The following THSD4 variants were observed in gnomAD, a reference collection of about 807,000 sequenced individuals.
THSD4 encodes thrombospondin type 1 domain containing 4, also known as thrombospondin type-1 domain-containing protein 4.
A neutral mutation model predicts 119.0 loss-of-function variants in THSD4; 69 were observed. The observed-to-expected ratio is 0.58, with a 90% CI of 0.48 to 0.71. The LOEUF is 0.71. THSD4 is among the 30% of genes least tolerant of loss of function. The probability of loss-of-function intolerance (pLI) is 0.00; values close to 1 mark genes in which losing one functional copy is unlikely to be tolerated. For missense variants in THSD4, 1,393 were observed against 1,391.1 expected (o/e 1.00, Z -0.02); for synonymous variants, 524 against 540.4 (o/e 0.97, Z 0.42).
In THSD4 at chr15:71,283,097, G is replaced by A. The variant is rs2044675159; in HGVS notation, c.1015+26382G>A. Among the ~76,000 whole-genome samples the A allele has an allele frequency of 2.0e-5, 3 of 151,732 alleles. No individual in the cohort carries two copies. In the South Asian group the frequency reaches 6.2e-4, roughly 32 times the overall value. ...CGATTCTTCTGCCTCAGCCTCCCGA[G>A]TAGCTGGGACTACAGGCGCGTGCCA... On this transcript the variant is annotated intron_variant, in intron 6 of 17. Transcript: ENST00000261862.
At chr15:71,394,750 G>A (rs1177936483) in intron 6 of THSD4, among the ~76,000 whole-genome samples, 1 of 152,172 alleles carries the variant, frequency 6.6e-6, no homozygotes, top group African/African-American at 2.4e-5. Flanking sequence ...GGACTAAGTC[G>A]TTTCTCTATT....
At chr15:71,626,918 T>A (rs1392552906) in intron 7 of THSD4, among the ~76,000 whole-genome samples, 2 of 152,232 alleles carry the variant, frequency 1.3e-5, no homozygotes, top group Non-Finnish European at 2.9e-5. Context: ...AAAGTGGGAA[T>A]TATCTGCTCC....
At chr15:71,204,391 T>C (rs2043827430) in intron 3 of THSD4, among the ~76,000 whole-genome samples, 1 of 152,246 alleles carries the variant, frequency 6.6e-6, no homozygotes, top group South Asian at 2.1e-4. Flanking sequence ...AGGGAAGTTC[T>C]GTGCTCAGAG....
intron 6 of THSD4, among the ~76,000 whole-genome samples, chr15:71,390,007 A>G (rs12908717): frequency 0.2 from 30,087 of 151,418 alleles, 3,246 homozygotes; most frequent in South Asian, 0.27. Flanking sequence ...ATTTCACCAT[A>G]TTGGCCAGGC....
chr15:71,542,970 A>G (rs929732283), intron 7 of THSD4, among the ~76,000 whole-genome samples: 1 of 152,068 alleles, frequency 6.6e-6, no homozygotes, highest in Non-Finnish European at 1.5e-5. Flanking sequence ...GTCATGAAAA[A>G]CAAAGAAAGG....
intron 3 of THSD4, among the ~76,000 whole-genome samples, chr15:71,197,703 A>G (rs2043732472): frequency 1.3e-5 from 2 of 151,964 alleles, no homozygotes; most frequent in South Asian, 4.2e-4. Flanking sequence ...TTGTTCTCCA[A>G]GGGCCACCAA....
chr15:71,617,705 G>A (rs2050343759), intron 7 of THSD4, among the ~76,000 whole-genome samples: 1 of 152,198 alleles, frequency 6.6e-6, no homozygotes, highest in Non-Finnish European at 1.5e-5. Context: ...GGAACAAAAT[G>A]CAGTGAGCCA....
chr15:71,578,036 A>G (rs1262599009), intron 7 of THSD4, among the ~76,000 whole-genome samples: 1 of 151,788 alleles, frequency 6.6e-6, no homozygotes, highest in Non-Finnish European at 1.5e-5. Flanking sequence ...TGGCAGTTAA[A>G]GCCACTGCTC....
chr15:71,239,774 G>A (rs576144094), intron 4 of THSD4, among the ~76,000 whole-genome samples: 15 of 152,278 alleles, frequency 9.9e-5, no homozygotes, highest in South Asian at 2.1e-4. Context: ...CCCCAGTTCC[G>A]TGGAGGCCCC....
At chr15:71,173,567 C>CACATATAT (rs1022713970) in intron 3 of THSD4, among the ~76,000 whole-genome samples, 58 of 145,932 alleles carry the variant, frequency 4.0e-4, no homozygotes, top group African/African-American at 9.8e-4. Flanking sequence ...CACACACACA[C>CACATATAT]ATATATATAT....
chr15:71,334,730 C>T (rs746480387), intron 6 of THSD4, among the ~76,000 whole-genome samples: 4 of 152,216 alleles, frequency 2.6e-5, no homozygotes, highest in Non-Finnish European at 5.9e-5. Context: ...CTCTCTAGTT[C>T]TTTGAAAGTA....
intron 7 of THSD4, among the ~76,000 whole-genome samples, chr15:71,589,525 TTTTAAC>T (rs750399241): frequency 5.8e-5 from 8 of 137,794 alleles, no homozygotes; most frequent in Non-Finnish European, 1.3e-4. Context: ...CCAGCTAACT[TTTTAAC>T]TTTTTTTGGT....
rs940064513 is a variant in THSD4, at chr15:71,141,463, T to C, written c.-65T>C. ...CATTTCCATAGGACTTGAACGCAAC[T>C]CCCAATTGCAGAAAATTGGCAACGT... On this transcript the variant is annotated 5_prime_UTR_variant, in exon 2 of 18. Transcript: ENST00000261862. 1 of 1,531,394 alleles carries C rather than the reference T, an allele frequency of 6.5e-7. No homozygotes were observed. Among genetic ancestry groups the C allele is most frequent in the African/African-American group, 1.4e-5 (1 of 72,052 alleles). The allele number at this position is 1,531,394 out of a possible 1,614,324, so 94.9% of individuals were successfully genotyped here.
At chr15:71,590,884 T>C (rs2049783478) in intron 7 of THSD4, among the ~76,000 whole-genome samples, 1 of 151,380 alleles carries the variant, frequency 6.6e-6, no homozygotes, top group Non-Finnish European at 1.5e-5. Context: ...TGGGCACCTG[T>C]AGTCCCAGCT....
intron 3 of THSD4, among the ~76,000 whole-genome samples, chr15:71,202,171 G>C (rs964939226): frequency 2.6e-5 from 4 of 152,098 alleles, no homozygotes; most frequent in Non-Finnish European, 5.9e-5. Context: ...AACTGCTCTG[G>C]GAAGGGGACT....
In THSD4 at chr15:71,199,783, G is replaced by GGTGTGTGCTGTGTGTGTGCTGT. The variant is rs1215373048; in HGVS notation, c.100-15244_100-15223dup. On this transcript the variant is annotated intron_variant, in intron 3 of 17. Coordinates refer to ENST00000261862, the MANE Select transcript of THSD4 (RefSeq NM_024817.3). Reference sequence around the variant, plus strand: ...ATGTGTGTGGTGTGTGTGGTGTGTGGGTGTGTGCTGTGTGTGTGCTGTGTG... The same window carrying GGTGTGTGCTGTGTGTGTGCTGT: ...ATGTGTGTGGTGTGTGTGGTGTGTGGGTGTGTGCTGTGTGTGTGCTGTGTGTGTGCTGTGTGTGTGCTGTGTG... 1.8e-4 allele frequency among the ~76,000 whole-genome samples: 18 copies of GGTGTGTGCTGTGTGTGTGCTGT among 97,924 alleles called. 1 individual carries two copies. Among genetic ancestry groups the GGTGTGTGCTGTGTGTGTGCTGT allele is most frequent in the South Asian group, 3.3e-4 (1 of 3,076 alleles). 64.2% of individuals were successfully genotyped at this position (97,924 alleles called of 152,430 possible).
intron 10 of THSD4, among the ~76,000 whole-genome samples, chr15:71,737,082 C>A (rs765687526): frequency 1.3e-5 from 2 of 152,190 alleles, no homozygotes; most frequent in Non-Finnish European, 2.9e-5. Context: ...TGTAGCATAA[C>A]GTAGTTTAAC....
chr15:71,371,253 T>C (rs940230377), intron 6 of THSD4, among the ~76,000 whole-genome samples: 1 of 152,238 alleles, frequency 6.6e-6, no homozygotes, highest in Non-Finnish European at 1.5e-5. Flanking sequence ...TTGTGTCTTT[T>C]AATTGTAGCA....
intron 1 of THSD4, among the ~76,000 whole-genome samples, chr15:71,132,814 G>A (rs1025633041): frequency 1.3e-5 from 2 of 152,146 alleles, no homozygotes; most frequent in African/African-American, 2.4e-5. Flanking sequence ...GTGTATGTGT[G>A]TACGCTCATG....
Sources: gnomAD v4.1 joint callset for allele counts (sites outside exome capture counted in the v4.1 genomes callset) on GRCh38, gnomAD v4.1.1 for gene constraint, MANE v1.5 for transcripts, NCBI Gene and HGNC (gene_info 2026-07-23, HGNC 2026-07-21) for gene names.